The following CPEB2 variants were observed in gnomAD, a reference collection of about 807,000 sequenced individuals.
CPEB2 encodes cytoplasmic polyadenylation element-binding protein 2.
Under a neutral mutation model 93.6 loss-of-function variants are expected in CPEB2, and 56 were observed. That is an observed-to-expected ratio of 0.60 (90% CI 0.48 to 0.75). The LOEUF (loss-of-function observed/expected upper bound fraction) is 0.75. CPEB2 is among the 30% of genes least tolerant of loss of function. The probability of loss-of-function intolerance (pLI) is 0.00; values close to 1 mark genes in which losing one functional copy is unlikely to be tolerated. For missense variants in CPEB2, 1,579 were observed against 1,395.1 expected (o/e 1.13, Z -2.10); for synonymous variants, 764 against 586.3 (o/e 1.30, Z -4.38).
At chr4:15,032,075 A>G (rs768773205) in intron 4 of CPEB2, among the ~76,000 whole-genome samples, 1 of 152,180 alleles carries the variant, frequency 6.6e-6, no homozygotes, top group Non-Finnish European at 1.5e-5. Context: ...ATTTTTAGAC[A>G]TTTTTCAAAT....
intron 11 of CPEB2, among the ~76,000 whole-genome samples, chr4:15,063,091 A>T (rs927551143): frequency 2.6e-5 from 4 of 152,084 alleles, no homozygotes; most frequent in African/African-American, 9.7e-5. Context: ...TTATATCTGA[A>T]TTAGTAGATA....
intron 3 of CPEB2, among the ~76,000 whole-genome samples, chr4:15,011,820 C>T (rs979796682): frequency 1.3e-5 from 2 of 151,966 alleles, no homozygotes; most frequent in East Asian, 1.9e-4. Flanking sequence ...GAAGCATGTA[C>T]GTGCATGTCC....
chr4:15,003,369 G>T lies in CPEB2; in HGVS notation c.696G>T (p.Pro232=). Residue 232 remains proline, a synonymous_variant, in exon 1 of 12, where the codon CCG becomes CCT. Coordinates refer to ENST00000538197, the MANE Select transcript of CPEB2 (RefSeq NM_001177382.2). ...TCGCTCAGCGCCAGCAGCAACAGCC[G>T]CCGCAGCAGTTCAGCCTCCTGCATC... ...AQLAQRQQQQ[P]PQQFSLLHQQ... is the part of the protein sequence containing the mutation. 7.2e-7 allele frequency: 1 copy of T among 1,385,802 alleles called. No homozygotes were observed. Among genetic ancestry groups the T allele is most frequent in the South Asian group, 1.7e-5 (1 of 58,364 alleles). 85.8% of individuals were successfully genotyped at this position (1,385,802 alleles called of 1,614,324 possible).
intron 10 of CPEB2, among the ~76,000 whole-genome samples, chr4:15,059,662 T>G (rs1353387327): frequency 8.0e-6 from 1 of 124,670 alleles, no homozygotes; most frequent in Non-Finnish European, 1.8e-5. Context: ...AAAAGAAATA[T>G]GGGATTTTTT....
At chr4:15,055,005 A>C (rs977762377) in intron 8 of CPEB2, among the ~76,000 whole-genome samples, 15 of 152,206 alleles carry the variant, frequency 9.9e-5, no homozygotes, top group Admixed American at 5.9e-4. Flanking sequence ...AGCCTGGAGA[A>C]AAGACCCCAA....
chr4:15,031,822 C>G (rs1378454298), intron 4 of CPEB2, among the ~76,000 whole-genome samples: 1 of 152,078 alleles, frequency 6.6e-6, no homozygotes, highest in African/African-American at 2.4e-5. Context: ...AGTAGATGAT[C>G]AAACTCTTTA....
chr4:15,017,214 G>T lies in CPEB2; in HGVS notation c.2061G>T (p.Leu687Phe). Residue 687 changes from leucine (L) to phenylalanine (F), a missense_variant, in exon 4 of 12, where the codon TTG (leucine) becomes TTT (phenylalanine). By Grantham distance (22) the Leu-to-Phe change is conservative (BLOSUM62 0). Around this residue, in one of 2 missense-constraint regions of CPEB2, gnomAD observed 1,411 missense variants for 1,056.0 expected, o/e 1.34. Coordinates refer to ENST00000538197, the MANE Select transcript of CPEB2 (RefSeq NM_001177382.2). The part of the protein sequence containing the change: ...DQDRSRMYDS[L>F]NMHSLENSLI... ...ATCGAAGTAGAATGTATGACAGTTT[G>T]AATATGCACTCTTTGGAAAATTCCC... 6.3e-7 allele frequency: 1 copy of T among 1,597,562 alleles called. No individual in the cohort carries two copies. Among genetic ancestry groups the T allele is most frequent in the Non-Finnish European group, 8.6e-7 (1 of 1,166,968 alleles).
chr4:15,004,426 T>G, intron 1 of CPEB2, 91 bp downstream of exon 1: 1 of 999,390 alleles, frequency 1.0e-6, no homozygotes, highest in Non-Finnish European at 1.4e-6. Context: ...GGACCCGACC[T>G]TAGCCCCGAG....
In CPEB2 at chr4:15,003,847, CCCCAGCCCCAGCAGCCGCCGCCGA is replaced by C; in HGVS notation, c.1182_1205del (p.Pro397_Gln404del). On this transcript the variant is annotated inframe_deletion, in exon 1 of 12. Coordinates refer to ENST00000538197, the MANE Select transcript of CPEB2 (RefSeq NM_001177382.2). ...GTCGGTGCAGACCGCGTCGCCGCCA[CCCCAGCCCCAGCAGCCGCCGCCGA>C]CCCAGCCGCAGCAGCAGCCGCCGCC... is the stretch of plus-strand genomic sequence containing the variant. 4 of 872,120 alleles carry C rather than the reference CCCCAGCCCCAGCAGCCGCCGCCGA, an allele frequency of 4.6e-6. No homozygotes were observed. In the African/African-American group the frequency reaches 5.4e-5, roughly 12 times the overall value. 54.0% of individuals were successfully genotyped at this position (872,120 alleles called of 1,614,324 possible). A position where few individuals can be genotyped will look rare whatever the true frequency, so the allele number is the denominator to read the frequency against.
At chr4:15,054,347 T>A in intron 8 of CPEB2, 130 bp downstream of exon 8, 1 of 686,044 alleles carries the variant, frequency 1.5e-6, no homozygotes, top group Non-Finnish European at 2.5e-6. Context: ...TAGACTCAGA[T>A]CAACAAATGT....
At chr4:15,057,451 A>AG (rs1485199022) in intron 8 of CPEB2, among the ~76,000 whole-genome samples, 1 of 152,180 alleles carries the variant, frequency 6.6e-6, no homozygotes, top group Non-Finnish European at 1.5e-5. Context: ...ACGATGGAAC[A>AG]GACATACATG....
rs78961473 is a variant in CPEB2, at chr4:15,007,602, A to G, written c.1944+16A>G. ...ACCCTTACAGGTAAGAATGGTATGT[A>G]AATGACCTTATCTCTAATGTTAATC... is the stretch of plus-strand genomic sequence containing the variant. On this transcript the variant is annotated intron_variant, in intron 2 of 11. Transcript: ENST00000538197. 2 of 1,505,350 alleles carry G rather than the reference A, an allele frequency of 1.3e-6. No homozygotes were observed. The highest frequency in any genetic ancestry group is 2.4e-5 in the East Asian group (1 of 42,004). The allele number at this position is 1,505,350 out of a possible 1,614,324, so 93.2% of individuals were successfully genotyped here.
chr4:15,059,245 C>T lies in CPEB2; in HGVS notation c.2639C>T (p.Pro880Leu). The change falls in exon 10 of 12, where the codon CCT becomes CTT. Residue 880 changes from proline to leucine, a missense_variant. Physicochemically the swap from Pro to Leu is moderately conservative, Grantham distance 98. Transcript: ENST00000538197. ...DSDFVMDGSQ[P>L]LDPRKTIFVG... ...GATTTTGTAATGGATGGTTCTCAGC[C>T]TTTGGATCCCCGAAAAACAATTTTT... 1 of 1,613,276 alleles carries T rather than the reference C, an allele frequency of 6.2e-7. No homozygotes were observed. Among genetic ancestry groups the T allele is most frequent in the Non-Finnish European group, 8.5e-7 (1 of 1,179,422 alleles).
intron 11 of CPEB2, among the ~76,000 whole-genome samples, 190 bp from the exon 12 acceptor site, chr4:15,065,963 C>CAA (rs1729670323): frequency 1.3e-5 from 2 of 152,026 alleles, no homozygotes; most frequent in South Asian, 4.1e-4. Flanking sequence ...GAATGTTTTG[C>CAA]AAATCAGATT....
At chr4:15,034,972 A>T (rs775891486) in intron 5 of CPEB2, among the ~76,000 whole-genome samples, 2 of 152,212 alleles carry the variant, frequency 1.3e-5, no homozygotes, top group African/African-American at 2.4e-5. Flanking sequence ...TGTGAGAATT[A>T]AGTGATATTA....
chr4:15,065,754 G>C (rs1729646908), intron 11 of CPEB2, among the ~76,000 whole-genome samples: 1 of 152,118 alleles, frequency 6.6e-6, no homozygotes, highest in Non-Finnish European at 1.5e-5. Context: ...CGCACCTGCA[G>C]TGGAGAGGCG....
chr4:15,051,723 G>C (rs1325584456), intron 6 of CPEB2, among the ~76,000 whole-genome samples: 1 of 152,180 alleles, frequency 6.6e-6, no homozygotes, highest in African/African-American at 2.4e-5. Flanking sequence ...TTCCTTGACA[G>C]CCAGGGAGTA....
chr4:15,017,336 C>A, intron 4 of CPEB2, 58 bp downstream of exon 4: 1 of 880,480 alleles, frequency 1.1e-6, no homozygotes. Context: ...GCTTATCTTA[C>A]TAGTTTTTAT....
Position 15,033,148 on chromosome 4 carries a change from T to C in CPEB2, c.2126-13T>C. 1 of 1,591,678 alleles carries C rather than the reference T, an allele frequency of 6.3e-7. No individual in the cohort carries two copies. Among genetic ancestry groups the C allele is most frequent in the Non-Finnish European group, 8.6e-7 (1 of 1,163,502 alleles). On this transcript the variant is annotated splice_polypyrimidine_tract_variant and intron_variant, in intron 4 of 11. Transcript: ENST00000538197. Reference sequence around the variant, plus strand: ...CCATAATCTTCAAACTCACCTTTCCTGTCTTTTTAAAGGTCGATTGAGCTA... The same window carrying C: ...CCATAATCTTCAAACTCACCTTTCCCGTCTTTTTAAAGGTCGATTGAGCTA...
Sources: allele counts gnomAD v4.1 joint callset (sites outside exome capture counted in the v4.1 genomes callset), GRCh38; gene constraint gnomAD v4.1.1; regional missense constraint gnomAD v4.1.1; transcripts MANE v1.5; gene names NCBI Gene and HGNC (gene_info 2026-07-23, HGNC 2026-07-21).